Variants in FTCDNL1 observed in about 807,000 individuals in gnomAD.
The protein encoded by FTCDNL1 is formiminotransferase cyclodeaminase N-terminal like, also known as formiminotransferase N-terminal subdomain-containing protein.
Under a neutral mutation model 5.9 loss-of-function variants are expected in FTCDNL1, and 11 were observed. That is an observed-to-expected ratio of 1.87 (90% CI 1.18 to 3.10). The LOEUF (loss-of-function observed/expected upper bound fraction) is 3.10, where lower values mean the gene tolerates loss of function less well. FTCDNL1 is among the 30% of genes most tolerant of loss of function. The pLI, the probability that FTCDNL1 is intolerant of heterozygous loss-of-function variation, is 0.00. For synonymous variants in FTCDNL1, 58 were observed against 24.8 expected (o/e 2.34, Z -3.99); for missense variants, 115 against 65.5 (o/e 1.76, Z -2.61).
intron 3 of FTCDNL1, among the ~76,000 whole-genome samples, chr2:199,781,892 G>A (rs979741554): frequency 4.6e-5 from 7 of 152,200 alleles, no homozygotes; most frequent in African/African-American, 1.7e-4. Flanking sequence ...CCATTCTCCT[G>A]CCTCAGCCTC....
the FTCDNL1 span, among the ~76,000 whole-genome samples, chr2:199,747,044 CACA>C: frequency 6.6e-6 from 1 of 151,648 alleles, no homozygotes; most frequent in Non-Finnish European, 1.5e-5. Flanking sequence ...CACACACACA[CACA>C]CACACACACA....
intron 3 of FTCDNL1, among the ~76,000 whole-genome samples, chr2:199,777,833 G>C (rs1247794626): frequency 6.6e-6 from 1 of 152,104 alleles, no homozygotes; most frequent in Admixed American, 6.6e-5. Flanking sequence ...TCCCTCCAGC[G>C]CCAAAGGAGG....
chr2:199,805,722 G>A (rs998962518), downstream of FTCDNL1, among the ~76,000 whole-genome samples: 22 of 152,008 alleles, frequency 1.4e-4, no homozygotes, highest in African/African-American at 5.1e-4. Flanking sequence ...CTGGGCAACA[G>A]AGTAAGACTC....
At chr2:199,752,738 CTCTGTGTG>C in the FTCDNL1 span, among the ~76,000 whole-genome samples, 2 of 25,212 alleles carry the variant, frequency 7.9e-5, no homozygotes, top group African/African-American at 1.1e-4. Flanking sequence ...ATCTCTCTCT[CTCTGTGTG>C]TGTGTGTGTG....
the FTCDNL1 span, among the ~76,000 whole-genome samples, chr2:199,735,125 A>AC: frequency 6.6e-6 from 1 of 151,382 alleles, no homozygotes; most frequent in East Asian, 1.9e-4. Context: ...GAAAAAAAAA[A>AC]AAAAAAAAAA....
the FTCDNL1 span, among the ~76,000 whole-genome samples, chr2:199,731,651 G>A: frequency 2.3e-4 from 35 of 152,346 alleles, no homozygotes; most frequent in Middle Eastern, 3.4e-3. Flanking sequence ...CACTTTGGGA[G>A]GCCGAGGCGG....
chr2:199,768,891 C>G (rs533123347), intron 3 of FTCDNL1, among the ~76,000 whole-genome samples: 22 of 152,078 alleles, frequency 1.4e-4, no homozygotes, highest in Non-Finnish European at 1.0e-4. Context: ...ACAAAGGAAA[C>G]GTTTGGATGG....
the FTCDNL1 span, among the ~76,000 whole-genome samples, chr2:199,694,708 C>T: frequency 0.54 from 82,458 of 151,988 alleles, 24,400 homozygotes; most frequent in South Asian, 0.69. Context: ...GTGGCATGTG[C>T]TTGTAGTCCC....
At chr2:199,759,054 T>C (rs1293292818), downstream of FTCDNL1, among the ~76,000 whole-genome samples, 2 of 152,170 alleles carry the variant, frequency 1.3e-5, no homozygotes, top group Admixed American at 6.5e-5. Flanking sequence ...AACAAAGCCA[T>C]ACATTTCTAA....
chr2:199,829,724 T>G (rs925694725), intron 3 of FTCDNL1, among the ~76,000 whole-genome samples: 4 of 152,200 alleles, frequency 2.6e-5, no homozygotes, highest in Non-Finnish European at 4.4e-5. Flanking sequence ...GGACTACCGA[T>G]ATAAATGGAC....
the FTCDNL1 span, among the ~76,000 whole-genome samples, chr2:199,715,224 A>T: frequency 7.2e-5 from 11 of 152,166 alleles, no homozygotes; most frequent in Non-Finnish European, 1.6e-4. Flanking sequence ...TTTGTCTTAT[A>T]TATATATGCT....
the FTCDNL1 span, among the ~76,000 whole-genome samples, chr2:199,679,350 A>T: frequency 1.3e-5 from 2 of 152,072 alleles, no homozygotes; most frequent in Non-Finnish European, 2.9e-5. Context: ...TGGGGTTTTT[A>T]AAAATTAAAC....
chr2:199,832,457 C>T (rs1005428301), intron 3 of FTCDNL1, among the ~76,000 whole-genome samples: 11 of 152,152 alleles, frequency 7.2e-5, no homozygotes, highest in African/African-American at 2.7e-4. Flanking sequence ...AAACACGTCT[C>T]CATTTATTTT....
the FTCDNL1 span, among the ~76,000 whole-genome samples, chr2:199,732,308 G>A: frequency 6.6e-6 from 1 of 152,104 alleles, no homozygotes; most frequent in African/African-American, 2.4e-5. Flanking sequence ...CACCTCAAGG[G>A]ACTATCACTC....
In FTCDNL1 at chr2:199,811,019, T is replaced by C. The variant is rs1164090671; in HGVS notation, c.*1686A>G. 6.6e-6 allele frequency among the ~76,000 whole-genome samples: 1 copy of C among 152,176 alleles called. No individual in the cohort carries two copies. The highest frequency in any genetic ancestry group is 1.5e-5 in the Non-Finnish European group (1 of 68,032). Reference sequence around the variant, plus strand: ...AGAAAATCAGCACACGGAAACCACATTTCATCTTTTTCCCACACATGTACA... The same window carrying C: ...AGAAAATCAGCACACGGAAACCACACTTCATCTTTTTCCCACACATGTACA... On this transcript the variant is annotated 3_prime_UTR_variant, in exon 5 of 5. Transcript: ENST00000420128.
the FTCDNL1 span, among the ~76,000 whole-genome samples, chr2:199,713,707 AT>A: frequency 6.6e-6 from 1 of 152,188 alleles, no homozygotes; most frequent in South Asian, 2.1e-4. Context: ...AATGTAAAGA[AT>A]TTTTTTCTTG....
At chr2:199,789,237 A>G (rs1270041440) in intron 3 of FTCDNL1, among the ~76,000 whole-genome samples, 1 of 152,134 alleles carries the variant, frequency 6.6e-6, no homozygotes, top group African/African-American at 2.4e-5. Context: ...TACTACAAAT[A>G]CTAAGCAAAA....
chr2:199,849,187 C>A (rs946272604), intron 1 of FTCDNL1, among the ~76,000 whole-genome samples: 2 of 152,214 alleles, frequency 1.3e-5, no homozygotes, highest in Admixed American at 1.3e-4. Context: ...TGTAACGACA[C>A]TGGAAAATAC....
chr2:199,765,531 A>T lies in FTCDNL1; in HGVS notation c.212-4696T>A, dbSNP rs201135743. Among the ~76,000 whole-genome samples, 251 of 94,732 alleles carry T rather than the reference A, an allele frequency of 2.6e-3. 6 individuals are homozygous for T. Among genetic ancestry groups the T allele is most frequent in the East Asian group, 0.025 (55 of 2,168 alleles). The allele number at this position is 94,732 out of a possible 152,430, so 62.1% of individuals were successfully genotyped here. On this transcript the variant is annotated intron_variant, in intron 3 of 3. Transcript: ENST00000416668. ...CACGTGGCATCTCTTTTTTGTCTTC[A>T]TTATATATATATATATATATATATA...
Sources: allele counts gnomAD v4.1 joint callset (sites outside exome capture counted in the v4.1 genomes callset), GRCh38; gene constraint gnomAD v4.1.1; transcripts MANE v1.5; gene names NCBI Gene and HGNC (gene_info 2026-07-23, HGNC 2026-07-21).